The following BICC1 variants were observed in gnomAD, a reference collection of about 807,000 sequenced individuals.
The protein encoded by BICC1 is protein bicaudal C homolog 1.
In BICC1, 43 loss-of-function variants were observed where a neutral mutation model predicts 111.0. The ratio of observed to expected loss-of-function variants is 0.39; its 90% CI spans 0.30 to 0.50. BICC1 has a LOEUF of 0.50. Ranked by LOEUF, BICC1 falls within the 20% of genes least tolerant of loss-of-function variation. The pLI is 0.88. For synonymous variants in BICC1, 467 were observed against 434.4 expected (o/e 1.07, Z -0.93); for missense variants, 1,091 against 1,203.2 (o/e 0.91, Z 1.38).
At chr10:58,765,797 T>G (rs1203418139) in intron 3 of BICC1, among the ~76,000 whole-genome samples, 3 of 152,182 alleles carry the variant, frequency 2.0e-5, no homozygotes, top group Non-Finnish European at 4.4e-5. Flanking sequence ...AATAATCATG[T>G]CAAAAAAGCT....
chr10:58,523,916 A>G (rs1842460798), intron 1 of BICC1, among the ~76,000 whole-genome samples: 1 of 152,234 alleles, frequency 6.6e-6, no homozygotes, highest in South Asian at 2.1e-4. Flanking sequence ...AATAACAGAC[A>G]AACAGCCACA....
intron 1 of BICC1, among the ~76,000 whole-genome samples, chr10:58,553,869 C>T (rs1015953647): frequency 4.0e-5 from 6 of 151,730 alleles, no homozygotes; most frequent in African/African-American, 1.5e-4. Context: ...AAAAACCAGT[C>T]TACTGGGTCT....
At chr10:58,810,194 A>C (rs767219237) in intron 17 of BICC1, among the ~76,000 whole-genome samples, 1 of 152,226 alleles carries the variant, frequency 6.6e-6, no homozygotes, top group African/African-American at 2.4e-5. Context: ...GCCCAAGGAC[A>C]GGTAGATCAC....
chr10:58,747,113 A>G (rs1841857076), intron 3 of BICC1, among the ~76,000 whole-genome samples: 1 of 152,148 alleles, frequency 6.6e-6, no homozygotes, highest in Non-Finnish European at 1.5e-5. Context: ...GTTATTACAA[A>G]GGAAGTATTC....
At chr10:58,804,630 A>G (rs1167085403) in intron 15 of BICC1, among the ~76,000 whole-genome samples, 1 of 152,208 alleles carries the variant, frequency 6.6e-6, no homozygotes, top group African/African-American at 2.4e-5. Flanking sequence ...TCCCCTTTAT[A>G]ATCTTTTGAT....
intron 2 of BICC1, among the ~76,000 whole-genome samples, chr10:58,638,962 G>C (rs905919779): frequency 1.7e-5 from 2 of 115,608 alleles, no homozygotes; most frequent in African/African-American, 6.5e-5. Flanking sequence ...TCTTGCAGTT[G>C]ACAAATAAAA....
intron 3 of BICC1, among the ~76,000 whole-genome samples, chr10:58,780,790 T>C (rs553359831): frequency 9.2e-5 from 14 of 152,272 alleles, no homozygotes; most frequent in African/African-American, 3.1e-4. Flanking sequence ...ATAAAAACAT[T>C]CAGTATTCTT....
intron 1 of BICC1, among the ~76,000 whole-genome samples, chr10:58,518,582 G>GTT (rs1842303857): frequency 1.1e-5 from 1 of 89,260 alleles, no homozygotes; most frequent in South Asian, 5.3e-4. Context: ...CTTTGTGTAT[G>GTT]TGTGTGTTGG....
At chr10:58,559,932 A>C (rs937998787) in intron 1 of BICC1, among the ~76,000 whole-genome samples, 2 of 151,286 alleles carry the variant, frequency 1.3e-5, no homozygotes, top group African/African-American at 4.9e-5. Flanking sequence ...CATGTTGTGT[A>C]ATTTTTTGAT....
intron 1 of BICC1, among the ~76,000 whole-genome samples, chr10:58,568,790 G>A (rs760837951): frequency 6.6e-6 from 1 of 152,134 alleles, no homozygotes; most frequent in Non-Finnish European, 1.5e-5. Context: ...TGGGTTATTG[G>A]AAGAAAGAAG....
chr10:58,703,562 A>T (rs1840302675), intron 3 of BICC1, among the ~76,000 whole-genome samples: 1 of 152,176 alleles, frequency 6.6e-6, no homozygotes, highest in South Asian at 2.1e-4. Context: ...GCAATTCTGT[A>T]TCTTTGTATA....
At chr10:58,809,891 C>G (rs191039379) in intron 17 of BICC1, among the ~76,000 whole-genome samples, 1 of 152,156 alleles carries the variant, frequency 6.6e-6, no homozygotes, top group Non-Finnish European at 1.5e-5. Flanking sequence ...AATGATTTAA[C>G]CCAAGAGAGT....
intron 1 of BICC1, among the ~76,000 whole-genome samples, chr10:58,577,024 C>A (rs148239227): frequency 1.3e-5 from 2 of 152,112 alleles, no homozygotes; most frequent in South Asian, 4.1e-4. Context: ...AACAAACTGT[C>A]GGGCCAGAGG....
chr10:58,645,281 C>T (rs1391361311), intron 2 of BICC1, among the ~76,000 whole-genome samples: 12 of 151,778 alleles, frequency 7.9e-5, no homozygotes, highest in Non-Finnish European at 1.6e-4. Context: ...TGGTGGTGGG[C>T]GCCTGTAGTC....
chr10:58,576,701 CT>C (rs1395495046), intron 1 of BICC1, among the ~76,000 whole-genome samples: 1 of 152,134 alleles, frequency 6.6e-6, no homozygotes, highest in Non-Finnish European at 1.5e-5. Context: ...ACAAAATATA[CT>C]GTTTAAAAGG....
At position 58,735,385 on chromosome 10, in the gene BICC1, A is replaced by T. The variant is rs112850974; in HGVS notation, c.307+33242A>T. On this transcript the variant is annotated intron_variant, in intron 3 of 20. Transcript: ENST00000373886. Reference sequence around the variant, plus strand: ...TGCTGCATGCTGTTAAAGCCCTTCGATGCCAGCCAAATGTTACACCGTGCC... The same window carrying T: ...TGCTGCATGCTGTTAAAGCCCTTCGTTGCCAGCCAAATGTTACACCGTGCC... Among the ~76,000 whole-genome samples the T allele has an allele frequency of 7.2e-3, 1,090 of 152,318 alleles. 5 individuals are homozygous for T. Among genetic ancestry groups the T allele is most frequent in the Non-Finnish European group, 0.011 (751 of 68,026 alleles).
intron 3 of BICC1, among the ~76,000 whole-genome samples, chr10:58,777,461 T>G (rs1285159862): frequency 1.3e-5 from 2 of 152,150 alleles, no homozygotes; most frequent in Non-Finnish European, 2.9e-5. Flanking sequence ...TTTTCTCAAG[T>G]TGGTAGCTCT....
intron 1 of BICC1, among the ~76,000 whole-genome samples, chr10:58,550,540 G>A (rs1843268757): frequency 6.6e-6 from 1 of 151,868 alleles, no homozygotes; most frequent in Non-Finnish European, 1.5e-5. Flanking sequence ...TCTCCTATGT[G>A]TTCATCTAGA....
chr10:58,679,434 A>G lies in BICC1; in HGVS notation c.238-22640A>G, dbSNP rs143391544. On this transcript the variant is annotated intron_variant, in intron 2 of 20. Coordinates refer to ENST00000373886, the MANE Select transcript of BICC1 (RefSeq NM_001080512.3). ...TGTATGCAAATAAACTAGGTTATCTAGAAGAAATGGATAAATTCCTGGACA... is the reference window on the plus strand; with the variant it reads ...TGTATGCAAATAAACTAGGTTATCTGGAAGAAATGGATAAATTCCTGGACA... Among the ~76,000 whole-genome samples, 81 of 152,330 alleles carry G rather than the reference A, an allele frequency of 5.3e-4. 1 individual carries two copies. In the East Asian group the frequency reaches 0.015, roughly 28 times the overall value.
Sources: allele counts gnomAD v4.1 joint callset (sites outside exome capture counted in the v4.1 genomes callset), GRCh38; gene constraint gnomAD v4.1.1; transcripts MANE v1.5; gene names NCBI Gene and HGNC (gene_info 2026-07-23, HGNC 2026-07-21).